Variants in LGALS12 observed in about 807,000 individuals in gnomAD.
LGALS12 encodes galectin-12.
In LGALS12, 36 loss-of-function variants were observed where a neutral mutation model predicts 36.8. The observed-to-expected ratio is 0.98, with a 90% confidence interval of 0.75 to 1.29. The LOEUF (loss-of-function observed/expected upper bound fraction) is 1.29. Among genes scored for constraint, LGALS12 ranks in the 50% most tolerant of loss-of-function variants. The pLI, the probability that LGALS12 is intolerant of heterozygous loss-of-function variation, is 0.00. For synonymous variants in LGALS12, 145 were observed against 155.9 expected (o/e 0.93, Z 0.52); for missense variants, 366 against 394.3 (o/e 0.93, Z 0.61).
Position 63,508,623 on chromosome 11 carries a change from T to TCC in LGALS12, c.142_143dup (p.Asp50Ter), listed in dbSNP as rs749686664. 4 of 1,613,932 alleles carry TCC rather than the reference T, an allele frequency of 2.5e-6. No homozygotes were observed. The Admixed American group carries it at 6.7e-5, about 27-fold the overall frequency. ...AAGATGGTCATGCTGCAAGGAGTGGTCCCTCTAGATGCACACAGGTAAGGC... is the reference window on the plus strand; with the variant it reads ...AAGATGGTCATGCTGCAAGGAGTGGTCCCCCTCTAGATGCACACAGGTAAGGC... On this transcript the variant is annotated frameshift_variant, in exon 2 of 9. Transcript: ENST00000394618. LOFTEE classifies it high-confidence loss of function.
Position 63,508,771 on chromosome 11 carries a change from C to A in LGALS12, c.159-7C>A. ...AACCGCACTTTGAGAGCCTCACCTC[C>A]CAGTAGGTTTCAGGTGGACTTCCAG... On this transcript the variant is annotated splice_polypyrimidine_tract_variant and splice_region_variant and intron_variant, in intron 2 of 8. Transcript: ENST00000394618. 1 of 1,614,160 alleles carries A rather than the reference C, an allele frequency of 6.2e-7. No individual in the cohort carries two copies. The highest frequency in any genetic ancestry group is 1.3e-5 in the African/African-American group (1 of 75,052).
At position 63,515,427 on chromosome 11, in the gene LGALS12, C is replaced by T. The variant is rs1339098541; in HGVS notation, c.648-136C>T. The T allele has an allele frequency of 4.3e-6, 4 of 927,916 alleles. No homozygotes were observed. In the East Asian group the frequency reaches 7.6e-5, roughly 18 times the overall value. The allele number at this position is 927,916 out of a possible 1,614,324, so 57.5% of individuals were successfully genotyped here. A position where few individuals can be genotyped will look rare whatever the true frequency, so the allele number is the denominator to read the frequency against. On this transcript the variant is annotated intron_variant, in intron 7 of 8. Transcript: ENST00000394618. ...TTCAGCCATGAGGCTGTCATAGGCC[C>T]TCAGTGCTTGTTTCTGGAGGCTGAA...
intron 1 of LGALS12, among the ~76,000 whole-genome samples, chr11:63,506,999 AG>A: frequency 6.6e-6 from 1 of 152,312 alleles, no homozygotes; most frequent in African/African-American, 2.4e-5. Flanking sequence ...GATTTACAGA[AG>A]GCTGAATTCC....
Position 63,516,509 on chromosome 11 carries a change from C to G in LGALS12, c.*116C>G. ...ACACCAGCACATCAGGCCTGGTTCA[C>G]CTCTGGGGTCACGAGACTGAGTCTA... On this transcript the variant is annotated 3_prime_UTR_variant, in exon 9 of 9. Coordinates refer to ENST00000394618, the MANE Select transcript of LGALS12 (RefSeq NM_033101.4). The G allele has an allele frequency of 8.1e-7, 1 of 1,230,486 alleles. No individual in the cohort carries two copies. Among genetic ancestry groups the G allele is most frequent in the Non-Finnish European group, 1.2e-6 (1 of 860,778 alleles). The allele number at this position is 1,230,486 out of a possible 1,614,324, so 76.2% of individuals were successfully genotyped here. A position where few individuals can be genotyped will look rare whatever the true frequency, so the allele number is the denominator to read the frequency against.
At chr11:63,509,956 TGGACGGGCCTG>T (rs2016867822) in intron 4 of LGALS12, 59 bp downstream of exon 4, 10 of 1,569,562 alleles carry the variant, frequency 6.4e-6, no homozygotes, top group Non-Finnish European at 8.6e-6. Context: ...CCCTGACTCC[TGGACGGGCCTG>T]GGACCCCTTC....
intron 3 of LGALS12, among the ~76,000 whole-genome samples, chr11:63,509,413 A>G (rs2016847529): frequency 1.3e-5 from 2 of 152,246 alleles, no homozygotes; most frequent in African/African-American, 2.4e-5. Context: ...CCTGCCAGAA[A>G]CATGATGGGA....
rs1043558905 is a variant in LGALS12, at chr11:63,515,775, T to C, written c.798+62T>C. The C allele has an allele frequency of 2.6e-6, 4 of 1,561,886 alleles. No homozygotes were observed. The Admixed American group carries it at 6.9e-5, about 27-fold the overall frequency. On this transcript the variant is annotated intron_variant, in intron 8 of 8. Coordinates refer to ENST00000394618, the MANE Select transcript of LGALS12 (RefSeq NM_033101.4). ...GGAGCACAGAGCTGAAGTCCCATAATGACCTGGGAGATGCTGGGGCAGGTG... is the reference window on the plus strand; with the variant it reads ...GGAGCACAGAGCTGAAGTCCCATAACGACCTGGGAGATGCTGGGGCAGGTG...
Position 63,509,069 on chromosome 11 carries a change from G to T in LGALS12, c.372+78G>T, listed in dbSNP as rs1211444729. 3 of 1,141,966 alleles carry T rather than the reference G, an allele frequency of 2.6e-6. No individual in the cohort carries two copies. The African/African-American group carries it at 4.6e-5, about 18-fold the overall frequency. The allele number at this position is 1,141,966 out of a possible 1,614,324, so 70.7% of individuals were successfully genotyped here. On this transcript the variant is annotated intron_variant, in intron 3 of 8. Transcript: ENST00000394618. ...TCCTTCCCTCAGCCAGACTCCCCAC[G>T]ACACAATGTTGAGTGGCATTGGTAG...
chr11:63,510,336 T>C (rs943948042), intron 4 of LGALS12, 127 bp from the exon 5 acceptor site: 1 of 890,584 alleles, frequency 1.1e-6, no homozygotes, highest in Admixed American at 2.1e-5. Context: ...AGCAAGAAGC[T>C]ACCACTGACC....
At position 63,508,848 on chromosome 11, in the gene LGALS12, C is replaced by A. The variant is rs780317044; in HGVS notation, c.229C>A (p.Arg77Ser). The change falls in exon 3 of 9, where the codon CGC becomes AGC. Residue 77 changes from arginine to serine, a missense_variant. Coordinates refer to ENST00000394618, the MANE Select transcript of LGALS12 (RefSeq NM_033101.4). ...RPDIAFHFNP[R>S]FHTTKPHVIC... ...AGATATCGCCTTCCACTTCAACCCT[C>A]GCTTCCATACCACCAAGCCCCATGT... The A allele has an allele frequency of 3.0e-5, 49 of 1,614,126 alleles. No homozygotes were observed. In the African/African-American group the frequency reaches 5.3e-4, roughly 18 times the overall value.
intron 7 of LGALS12, among the ~76,000 whole-genome samples, chr11:63,514,519 C>T (rs1468530863): frequency 1.3e-5 from 2 of 152,046 alleles, no homozygotes; most frequent in Non-Finnish European, 2.9e-5. Flanking sequence ...TGCAGTGAGC[C>T]GAGATCGTGC....
rs530544352 is a variant in LGALS12, at chr11:63,515,979, C to T, written c.798+266C>T. Among the ~76,000 whole-genome samples the T allele has an allele frequency of 3.9e-5, 6 of 152,280 alleles. No individual in the cohort carries two copies. In the East Asian group the frequency reaches 5.8e-4, roughly 15 times the overall value. Reference sequence around the variant, plus strand: ...TAAAAAGCTCCCCTAATGATTCCGACGTGCAGAACCACTCCTCTACAGGAA... The same window carrying T: ...TAAAAAGCTCCCCTAATGATTCCGATGTGCAGAACCACTCCTCTACAGGAA... On this transcript the variant is annotated intron_variant, in intron 8 of 8. Coordinates refer to ENST00000394618, the MANE Select transcript of LGALS12 (RefSeq NM_033101.4).
In LGALS12 at chr11:63,511,079, C is replaced by T. The variant is rs778514006; in HGVS notation, c.532C>T (p.Pro178Ser). 1.2e-6 allele frequency: 2 copies of T among 1,613,708 alleles called. No individual in the cohort carries two copies. Among genetic ancestry groups the T allele is most frequent in the Admixed American group, 1.7e-5 (1 of 60,030 alleles). Residue 178 changes from proline to serine, a missense_variant and splice_region_variant, in exon 6 of 9, where the codon CCT becomes TCT. Physicochemically the swap from Pro to Ser is moderately conservative, Grantham distance 74. Transcript: ENST00000394618. ...EGSREYPAGH[P>S]FLLMSPRLEV... ...TGTCCTCTCTTTCTTTCCCTGACAG[C>T]CTTTCCTGCTGATGAGCCCCAGGCT...
At chr11:63,510,377 G>A (rs2016880690) in intron 4 of LGALS12, 86 bp from the exon 5 acceptor site, 3 of 1,367,528 alleles carry the variant, frequency 2.2e-6, no homozygotes, top group Admixed American at 3.4e-5. Flanking sequence ...AGCTGTAAAG[G>A]CCAGGGCTCT....
chr11:63,510,393 C>T, intron 4 of LGALS12, 70 bp from the exon 5 acceptor site: 1 of 1,501,354 alleles, frequency 6.7e-7, no homozygotes, highest in Non-Finnish European at 9.3e-7. Flanking sequence ...GCTCTGCCCA[C>T]CTCCCAGGCA....
rs540041265 is a variant in LGALS12, at chr11:63,511,693, G to A, written c.559-59G>A. On this transcript the variant is annotated intron_variant, in intron 6 of 8. Coordinates refer to ENST00000394618, the MANE Select transcript of LGALS12 (RefSeq NM_033101.4). ...AGTGCTCCCCTGGCCCCCGGGGATGGGCGGTCCTCCCCAGTCCCCCTGGAA... is the reference window on the plus strand; with the variant it reads ...AGTGCTCCCCTGGCCCCCGGGGATGAGCGGTCCTCCCCAGTCCCCCTGGAA... 119 of 1,279,244 alleles carry A rather than the reference G, an allele frequency of 9.3e-5. No homozygotes were observed. The African/African-American group carries it at 1.5e-3, about 16-fold the overall frequency. The allele number at this position is 1,279,244 out of a possible 1,614,324, so 79.2% of individuals were successfully genotyped here.
chr11:63,510,385 T>G, intron 4 of LGALS12, 78 bp from the exon 5 acceptor site: 1 of 1,439,130 alleles, frequency 6.9e-7, no homozygotes, highest in Non-Finnish European at 9.8e-7. Context: ...AGGCCAGGGC[T>G]CTGCCCACCT....
chr11:63,514,944 G>A (rs562143222), intron 7 of LGALS12, among the ~76,000 whole-genome samples: 17 of 152,052 alleles, frequency 1.1e-4, no homozygotes, highest in East Asian at 5.8e-4. Flanking sequence ...GGTATCATCT[G>A]AATGCTTATT....
rs558696887 is a variant in LGALS12 at position 63,506,376 on chromosome 11, G to A, written c.-83G>A. 1.3e-5 allele frequency: 21 copies of A among 1,614,098 alleles called. No homozygotes were observed. The highest frequency in any genetic ancestry group is 1.5e-5 in the Non-Finnish European group (18 of 1,179,970). On this transcript the variant is annotated 5_prime_UTR_variant, in exon 1 of 9. Coordinates refer to ENST00000394618, the MANE Select transcript of LGALS12 (RefSeq NM_033101.4). ...TGGGAGAGCTGCTCCAGGCATTTAG[G>A]ACCCTGACTGGGGCAGATGAGTCAG...
Sources: gnomAD v4.1 joint callset for allele counts (sites outside exome capture counted in the v4.1 genomes callset) on GRCh38, gnomAD v4.1.1 for gene constraint, MANE v1.5 for transcripts, NCBI Gene and HGNC (gene_info 2026-07-23, HGNC 2026-07-21) for gene names.